Variants in CACNA1D observed in about 807,000 individuals in gnomAD.
CACNA1D encodes calcium voltage-gated channel subunit alpha1 D.
CACNA1D carries 55 observed loss-of-function variants against 257.1 expected under a neutral mutation model. The observed-to-expected ratio is 0.21, with a 90% CI of 0.17 to 0.27. The LOEUF is 0.27. Among genes scored for constraint, CACNA1D ranks in the 10% least tolerant of loss-of-function variants. CACNA1D has a pLI of 1.00. For missense variants in CACNA1D, 1,876 were observed against 2,784.0 expected (o/e 0.67, Z 7.34); for synonymous variants, 980 against 1,014.9 (o/e 0.97, Z 0.65).
At chr3:53,547,330 G>C (rs2092433458) in intron 3 of CACNA1D, among the ~76,000 whole-genome samples, 1 of 152,150 alleles carries the variant, frequency 6.6e-6, no homozygotes, top group Non-Finnish European at 1.5e-5. Flanking sequence ...TGCTGCTAAC[G>C]AGGGCAACAG....
intron 3 of CACNA1D, among the ~76,000 whole-genome samples, chr3:53,540,727 C>T (rs2092275628): frequency 6.6e-6 from 1 of 152,048 alleles, no homozygotes; most frequent in Non-Finnish European, 1.5e-5. Context: ...CATTCTTTGT[C>T]ATGGTGGCAT....
At chr3:53,781,220 G>GA (rs1489517620) in intron 38 of CACNA1D, among the ~76,000 whole-genome samples, 1 of 152,194 alleles carries the variant, frequency 6.6e-6, no homozygotes, top group African/African-American at 2.4e-5. Context: ...AACAACCCAT[G>GA]AAAGAGCAGA....
chr3:53,809,175 G>C (rs537813432), intron 46 of CACNA1D: 19 of 226,726 alleles, frequency 8.4e-5, no homozygotes, highest in Non-Finnish European at 1.6e-4. Context: ...TTAAGTTTAT[G>C]GGTCCCTCCA....
Position 53,599,505 on chromosome 3 carries a change from G to T in CACNA1D, c.484-51274G>T, listed in dbSNP as rs543418706. Among the ~76,000 whole-genome samples, 424 of 152,086 alleles carry T rather than the reference G, an allele frequency of 2.8e-3. 2 individuals carry two copies. Among genetic ancestry groups the T allele is most frequent in the African/African-American group, 8.2e-3 (339 of 41,510 alleles). ...TCTTGACATTAAAAAAAACAAAAGG[G>T]TTAATAGCCCAGACTTTAAAGTCAG... On this transcript the variant is annotated intron_variant, in intron 3 of 47. Transcript: ENST00000350061.
chr3:53,724,213 T>G (rs2094909024), intron 14 of CACNA1D, among the ~76,000 whole-genome samples: 1 of 152,350 alleles, frequency 6.6e-6, no homozygotes, highest in African/African-American at 2.4e-5. Flanking sequence ...TTTTAAAGAC[T>G]TCTAGCTACA....
intron 9 of CACNA1D, among the ~76,000 whole-genome samples, chr3:53,706,680 A>G (rs2094692688): frequency 6.6e-6 from 1 of 152,154 alleles, no homozygotes; most frequent in East Asian, 1.9e-4. Context: ...GACATATTAC[A>G]TAGCGGTGAA....
At chr3:53,572,556 T>A (rs1033017339) in intron 3 of CACNA1D, among the ~76,000 whole-genome samples, 3 of 152,020 alleles carry the variant, frequency 2.0e-5, no homozygotes, top group Admixed American at 2.0e-4. Flanking sequence ...TGTGCCACCA[T>A]GCCCAGCTAA....
At chr3:53,627,115 A>G (rs1191640291) in intron 3 of CACNA1D, among the ~76,000 whole-genome samples, 1 of 152,246 alleles carries the variant, frequency 6.6e-6, no homozygotes, top group Non-Finnish European at 1.5e-5. Flanking sequence ...TTGGTCTGAC[A>G]GGCATCTACG....
intron 3 of CACNA1D, among the ~76,000 whole-genome samples, chr3:53,526,241 A>C (rs998396292): frequency 2.0e-5 from 3 of 152,108 alleles, no homozygotes; most frequent in African/African-American, 4.8e-5. Flanking sequence ...GGAGGAGCCA[A>C]CTCTACCCTA....
intron 3 of CACNA1D, among the ~76,000 whole-genome samples, chr3:53,632,866 A>G (rs2093837548): frequency 6.6e-6 from 1 of 152,260 alleles, no homozygotes; most frequent in Admixed American, 6.5e-5. Context: ...CAATTACAAT[A>G]GTAACATCGA....
intron 3 of CACNA1D, among the ~76,000 whole-genome samples, chr3:53,561,029 A>C (rs981513156): frequency 1.3e-5 from 2 of 152,274 alleles, no homozygotes; most frequent in Non-Finnish European, 2.9e-5. Context: ...GAGAGAGCTC[A>C]TAGATGTTTT....
intron 15 of CACNA1D, among the ~76,000 whole-genome samples, chr3:53,729,938 CATA>C (rs2094972818): frequency 6.6e-6 from 1 of 152,144 alleles, no homozygotes; most frequent in Admixed American, 6.5e-5. Flanking sequence ...GAGAAAGTCT[CATA>C]CTGTCTTGTG....
intron 3 of CACNA1D, among the ~76,000 whole-genome samples, chr3:53,515,260 A>G (rs2091286610): frequency 6.6e-6 from 1 of 152,086 alleles, no homozygotes; most frequent in Non-Finnish European, 1.5e-5. Flanking sequence ...TGCTTGGCCC[A>G]GGTGGGAGCC....
chr3:53,634,841 C>T (rs774137395), intron 3 of CACNA1D, among the ~76,000 whole-genome samples: 11 of 152,174 alleles, frequency 7.2e-5, no homozygotes, highest in East Asian at 1.9e-4. Context: ...TAGGGCCACA[C>T]GATGGAAAAG....
At chr3:53,573,134 C>G (rs1348145132) in intron 3 of CACNA1D, among the ~76,000 whole-genome samples, 1 of 152,230 alleles carries the variant, frequency 6.6e-6, no homozygotes, top group Non-Finnish European at 1.5e-5. Flanking sequence ...ATTCCTCCAT[C>G]TAAAAAGTCC....
At position 53,810,237 on chromosome 3, in the gene CACNA1D, C is replaced by T. The variant is rs752323240; in HGVS notation, c.6131C>T (p.Pro2044Leu). Residue 2044 changes from proline (P) to leucine (L), a missense_variant, in exon 47 of 48, where the codon CCC becomes CTC. This residue lies in a region of CACNA1D where 491 missense variants were observed against 554.3 expected (regional missense o/e 0.89). Coordinates refer to ENST00000350061, the MANE Select transcript of CACNA1D (RefSeq NM_001128840.3). ...TTCACACCAGCCAGCCTGACTGTCCCCAGCAGCTTCCGGAACAAAAACAGC... is the reference window on the plus strand; with the variant it reads ...TTCACACCAGCCAGCCTGACTGTCCTCAGCAGCTTCCGGAACAAAAACAGC... ...RTFTPASLTV[P>L]SSFRNKNSDK... The T allele has an allele frequency of 6.2e-7, 1 of 1,613,952 alleles. No homozygotes were observed.
chr3:53,732,769 A>T lies in CACNA1D; in HGVS notation c.2474-46A>T, dbSNP rs758821430. The T allele has an allele frequency of 3.9e-6, 6 of 1,543,970 alleles. No individual in the cohort carries two copies. In the South Asian group the frequency reaches 5.6e-5, roughly 14 times the overall value. ...GAAATTAAGAATAATTCAAACCCAT[A>T]TGTAGTCTTTATTTCATGCCTATAA... On this transcript the variant is annotated intron_variant, in intron 18 of 47. Coordinates refer to ENST00000350061, the MANE Select transcript of CACNA1D (RefSeq NM_001128840.3).
At position 53,546,357 on chromosome 3, in the gene CACNA1D, C is replaced by T. The variant is rs1172193761; in HGVS notation, c.483+44637C>T. Among the ~76,000 whole-genome samples the T allele has an allele frequency of 5.5e-5, 6 of 108,584 alleles. No homozygotes were observed. In the East Asian group the frequency reaches 1.7e-3, roughly 31 times the overall value. 71.2% of individuals were successfully genotyped at this position (108,584 alleles called of 152,430 possible). A position where few individuals can be genotyped will look rare whatever the true frequency, so the allele number is the denominator to read the frequency against. On this transcript the variant is annotated intron_variant, in intron 3 of 47. Transcript: ENST00000350061. ...AGCTGCACTAGGGCCCTCCTCACCT[C>T]TGTGGGTCTGAATTTGGGGTAGGGT... is the stretch of plus-strand genomic sequence containing the variant.
intron 4 of CACNA1D, among the ~76,000 whole-genome samples, chr3:53,652,069 G>A (rs1190817816): frequency 6.6e-6 from 1 of 152,196 alleles, no homozygotes; most frequent in Non-Finnish European, 1.5e-5. Flanking sequence ...CATTGCAAAA[G>A]AAGTGTACCA....
Sources: allele counts gnomAD v4.1 joint callset (sites outside exome capture counted in the v4.1 genomes callset), GRCh38; gene constraint gnomAD v4.1.1; regional missense constraint gnomAD v4.1.1; transcripts MANE v1.5; gene names NCBI Gene and HGNC (gene_info 2026-07-23, HGNC 2026-07-21).